The following SCAMP2 variants were observed in gnomAD, a reference collection of about 807,000 sequenced individuals.
The protein encoded by SCAMP2 is secretory carrier-associated membrane protein 2.
Under a neutral mutation model 44.1 loss-of-function variants are expected in SCAMP2, and 25 were observed. The ratio of observed to expected loss-of-function variants is 0.57; its 90% CI spans 0.41 to 0.79. The LOEUF is 0.79. Ranked by LOEUF, SCAMP2 falls within the 30% of genes least tolerant of loss-of-function variation. SCAMP2 has a pLI of 0.00. For missense variants in SCAMP2, 355 were observed against 411.0 expected, an observed-to-expected ratio of 0.86 and a Z score of 1.18; for synonymous variants, 156 against 166.0, an observed-to-expected ratio of 0.94 and a Z score of 0.46.
At chr15:74,848,269 G>T (rs2064412406) in intron 7 of SCAMP2, among the ~76,000 whole-genome samples, 1 of 151,984 alleles carries the variant, frequency 6.6e-6, no homozygotes, top group African/African-American at 2.4e-5. Context: ...AGGTCTTCCT[G>T]TGTTTCCTAG....
chr15:74,848,928 C>T (rs988656934), intron 6 of SCAMP2, among the ~76,000 whole-genome samples: 1 of 152,096 alleles, frequency 6.6e-6, no homozygotes, highest in Non-Finnish European at 1.5e-5. Flanking sequence ...CAGTGCTTGA[C>T]CCCTTCCTCA....
rs1178904900 is a variant in SCAMP2, at chr15:74,844,597, A to G, written c.*486T>C. On this transcript the variant is annotated 3_prime_UTR_variant, in exon 9 of 9. Transcript: ENST00000268099. ...GGAGACCACTGGAGTGACCTGGGGA[A>G]CAGATCTGTCCACCAGAACCTGTGA... 1 of 154,068 alleles carries G rather than the reference A, an allele frequency of 6.5e-6. No homozygotes were observed. The allele number at this position is 154,068 out of a possible 1,614,324, so 9.5% of individuals were successfully genotyped here.
chr15:74,863,524 A>G (rs1306141857), intron 1 of SCAMP2, among the ~76,000 whole-genome samples: 1 of 151,840 alleles, frequency 6.6e-6, no homozygotes, highest in East Asian at 1.9e-4. Context: ...AAAAAAAAAA[A>G]ACAGTAAGTG....
intron 5 of SCAMP2, 111 bp downstream of exon 5, chr15:74,851,242 C>T: frequency 7.8e-7 from 1 of 1,277,820 alleles, no homozygotes; most frequent in Non-Finnish European, 1.1e-6. Flanking sequence ...CTGAGGAAGG[C>T]TGGAGTCTGC....
intron 1 of SCAMP2, among the ~76,000 whole-genome samples, chr15:74,857,562 T>C (rs1033938306): frequency 6.6e-6 from 1 of 152,170 alleles, no homozygotes; most frequent in Non-Finnish European, 1.5e-5. Flanking sequence ...GGTAGCAGTT[T>C]CAGGTAATGG....
intron 6 of SCAMP2, 141 bp downstream of exon 6, chr15:74,850,373 G>A (rs1438775736): frequency 4.7e-6 from 4 of 844,976 alleles, no homozygotes; most frequent in Non-Finnish European, 7.4e-6. Flanking sequence ...TGGGAACAGA[G>A]GAACAGAATG....
At chr15:74,865,380 C>CAAA (rs71140104) in intron 1 of SCAMP2, among the ~76,000 whole-genome samples, 2 of 108,770 alleles carry the variant, frequency 1.8e-5, no homozygotes, top group Admixed American at 9.4e-5. Flanking sequence ...GACTTTGTCT[C>CAAA]AAAAAAAAAA....
At chr15:74,862,292 C>CAAAAAAAAAA in intron 1 of SCAMP2, among the ~76,000 whole-genome samples, 1 of 87,644 alleles carries the variant, frequency 1.1e-5, no homozygotes, top group Non-Finnish European at 2.5e-5. Flanking sequence ...AAAAAAAATT[C>CAAAAAAAAAA]CTGGCCAGGT....
chr15:74,849,018 C>G (rs998513295), intron 6 of SCAMP2, among the ~76,000 whole-genome samples: 3 of 152,116 alleles, frequency 2.0e-5, no homozygotes, highest in African/African-American at 4.8e-5. Flanking sequence ...CACGCCACTG[C>G]ACTCCAGCCT....
intron 5 of SCAMP2, among the ~76,000 whole-genome samples, chr15:74,850,955 A>G (rs2064431574): frequency 6.6e-6 from 1 of 152,128 alleles, no homozygotes; most frequent in South Asian, 2.1e-4. Context: ...TGGGGAAGGA[A>G]GTCTTTCTCT....
rs184044656 is a variant in SCAMP2 at position 74,861,469 on chromosome 15, A to G, written c.58-6820T>C. 2.3e-3 allele frequency among the ~76,000 whole-genome samples: 348 copies of G among 152,354 alleles called. 7 individuals carry two copies. Among genetic ancestry groups the G allele is most frequent in the Admixed American group, 0.018 (273 of 15,296 alleles). On this transcript the variant is annotated intron_variant, in intron 1 of 8. Transcript: ENST00000268099. ...TACCTGCAATGATATTCATAGGACC[A>G]GGACTTACAATAGGAGAAAAAAGCA...
At chr15:74,862,386 G>C (rs145261086) in intron 1 of SCAMP2, among the ~76,000 whole-genome samples, 305 of 151,266 alleles carry the variant, frequency 2.0e-3, no homozygotes, top group Middle Eastern at 3.4e-3. Context: ...AGACCACCCT[G>C]GCCAACATGG....
chr15:74,851,902 C>A, intron 4 of SCAMP2, 167 bp downstream of exon 4: 1 of 519,618 alleles, frequency 1.9e-6, no homozygotes. Flanking sequence ...TGCAGGTCTC[C>A]TGACTTGCAA....
intron 1 of SCAMP2, among the ~76,000 whole-genome samples, chr15:74,872,722 G>A (rs964128022): frequency 6.6e-6 from 1 of 152,148 alleles, no homozygotes; most frequent in Non-Finnish European, 1.5e-5. Flanking sequence ...TAGTTTGGCT[G>A]GTGGTGGAGC....
At chr15:74,853,791 T>G (rs1465652576) in intron 3 of SCAMP2, 1 of 576,934 alleles carries the variant, frequency 1.7e-6, no homozygotes, top group East Asian at 2.9e-5. Context: ...GCCTGGTGAG[T>G]AGAGCTTATT....
Position 74,873,242 on chromosome 15 carries a change from T to C in SCAMP2, c.14A>G (p.Asp5Gly). The change falls in exon 1 of 9, where the codon GAC (aspartate) becomes GGC (glycine). Residue 5 changes from aspartate (D) to glycine (G), a missense_variant. Transcript: ENST00000268099. The part of the protein sequence containing the change: MSAF[D>G]TNPFADPVDV... ...CACTGGGTCCGCGAAGGGGTTGGTG[T>C]CGAAAGCCGACATGGTGATCGGGGG... 2 of 1,468,894 alleles carry C rather than the reference T, an allele frequency of 1.4e-6. No individual in the cohort carries two copies. The highest frequency in any genetic ancestry group is 1.4e-5 in the South Asian group (1 of 71,160). The allele number at this position is 1,468,894 out of a possible 1,614,324, so 91.0% of individuals were successfully genotyped here. A position where few individuals can be genotyped will look rare whatever the true frequency, so the allele number is the denominator to read the frequency against.
intron 4 of SCAMP2, 150 bp from the exon 5 acceptor site, chr15:74,851,631 G>A: frequency 1.1e-6 from 1 of 927,062 alleles, no homozygotes; most frequent in Non-Finnish European, 1.6e-6. Context: ...AGCATGGAGT[G>A]GGACAGAACA....
Position 74,873,276 on chromosome 15 carries a change from C to T in SCAMP2, c.-21G>A. On this transcript the variant is annotated 5_prime_UTR_variant, in exon 1 of 9. Coordinates refer to ENST00000268099, the MANE Select transcript of SCAMP2 (RefSeq NM_005697.5). ...GACATGGTGATCGGGGGCCAGCGGG[C>T]GAACTCCGCGAACGCTGCTGCCTCC... 1.4e-6 allele frequency: 2 copies of T among 1,477,822 alleles called. No homozygotes were observed. The highest frequency in any genetic ancestry group is 8.9e-7 in the Non-Finnish European group (1 of 1,118,686). 91.5% of individuals were successfully genotyped at this position (1,477,822 alleles called of 1,614,324 possible).
rs775261774 is a variant in SCAMP2 at position 74,852,051 on chromosome 15, C to T, written c.343+18G>A. 1.3e-6 allele frequency: 2 copies of T among 1,533,982 alleles called. No individual in the cohort carries two copies. The highest frequency in any genetic ancestry group is 1.4e-5 in the African/African-American group (1 of 71,450). ...TATGCCAGGCAGGGCAGCCCCAGGCCCCAGCAGCCTCCCTTACCATGCAAG... is the reference window on the plus strand; with the variant it reads ...TATGCCAGGCAGGGCAGCCCCAGGCTCCAGCAGCCTCCCTTACCATGCAAG... On this transcript the variant is annotated intron_variant, in intron 4 of 8. Coordinates refer to ENST00000268099, the MANE Select transcript of SCAMP2 (RefSeq NM_005697.5).
Sources: allele counts gnomAD v4.1 joint callset (sites outside exome capture counted in the v4.1 genomes callset), GRCh38; gene constraint gnomAD v4.1.1; transcripts MANE v1.5; gene names NCBI Gene and HGNC (gene_info 2026-07-23, HGNC 2026-07-21).